MRPS9: variants seen among roughly 807,000 people sequenced by gnomAD.
MRPS9 encodes the protein small ribosomal subunit protein uS9m.
MRPS9 carries 45 observed loss-of-function variants against 59.9 expected under a neutral mutation model. That is an observed-to-expected ratio of 0.75 (90% CI 0.59 to 0.96). The LOEUF is 0.96. MRPS9 is among the 40% of genes least tolerant of loss of function. MRPS9 has a pLI of 0.00. For synonymous variants in MRPS9, 171 were observed against 166.8 expected (o/e 1.03, Z -0.19); for missense variants, 473 against 481.1 (o/e 0.98, Z 0.16).
intron 5 of MRPS9, among the ~76,000 whole-genome samples, chr2:105,082,971 C>G (rs1469853033): frequency 1.3e-5 from 2 of 152,158 alleles, no homozygotes; most frequent in Non-Finnish European, 2.9e-5. Flanking sequence ...TAAGAAACTT[C>G]TTGAGTTTCT....
intron 1 of MRPS9, among the ~76,000 whole-genome samples, chr2:105,045,352 T>C (rs1679573449): frequency 2.7e-5 from 4 of 150,742 alleles, no homozygotes; most frequent in Admixed American, 2.6e-4. Flanking sequence ...TTTTTTTTTT[T>C]TCATATAGCA....
Position 105,071,488 on chromosome 2 carries a change from A to G in MRPS9, c.408A>G (p.Arg136=). ...KHPEQIFPRQ[R]AIQWGEDGRP... ...CTGAACAGATTTTTCCAAGACAAAGAGGTAAGTTTGTTCAAGAATGAGAGA... is the reference window on the plus strand; with the variant it reads ...CTGAACAGATTTTTCCAAGACAAAGGGGTAAGTTTGTTCAAGAATGAGAGA... Residue 136 remains arginine (R), a splice_region_variant and synonymous_variant, in exon 4 of 11, where the codon AGA becomes AGG. Coordinates refer to ENST00000258455, the MANE Select transcript of MRPS9 (RefSeq NM_182640.3). 3 of 1,603,398 alleles carry G rather than the reference A, an allele frequency of 1.9e-6. No individual in the cohort carries two copies. The highest frequency in any genetic ancestry group is 2.6e-6 in the Non-Finnish European group (3 of 1,173,450).
chr2:105,052,434 A>G (rs1679729823), intron 2 of MRPS9, among the ~76,000 whole-genome samples: 1 of 152,076 alleles, frequency 6.6e-6, no homozygotes, highest in South Asian at 2.1e-4. Flanking sequence ...GTATCACACA[A>G]ATTGATTTTT....
intron 2 of MRPS9, among the ~76,000 whole-genome samples, chr2:105,061,936 A>T (rs1469099516): frequency 6.6e-6 from 1 of 152,200 alleles, no homozygotes; most frequent in East Asian, 1.9e-4. Context: ...TATTTGTCAC[A>T]ACTTGATATT....
At position 105,092,512 on chromosome 2, in the gene MRPS9, C is replaced by G. The variant is rs969397120; in HGVS notation, c.763C>G (p.Gln255Glu). 2 of 1,613,910 alleles carry G rather than the reference C, an allele frequency of 1.2e-6. No homozygotes were observed. The highest frequency in any genetic ancestry group is 1.7e-6 in the Non-Finnish European group (2 of 1,179,930). ...RRSVTLESKK[Q>E]LIEPVQYDEQ... is the part of the protein sequence containing the mutation. Reference sequence around the variant, plus strand: ...AAGTGTAACTCTTGAATCAAAAAAACAGCTGATTGAACCTGTACAGTATGA... The same window carrying G: ...AAGTGTAACTCTTGAATCAAAAAAAGAGCTGATTGAACCTGTACAGTATGA... The change falls in exon 8 of 11, where the codon CAG becomes GAG. Residue 255 changes from glutamine (Q) to glutamate (E), a missense_variant. Transcript: ENST00000258455.
chr2:105,082,089 G>A (rs921676966), intron 5 of MRPS9, among the ~76,000 whole-genome samples: 11 of 152,176 alleles, frequency 7.2e-5, no homozygotes, highest in African/African-American at 2.4e-4. Context: ...TGTTCTGCCT[G>A]GCCTTGGTGG....
At chr2:105,081,332 C>T (rs1285205779) in intron 5 of MRPS9, among the ~76,000 whole-genome samples, 6 of 152,192 alleles carry the variant, frequency 3.9e-5, no homozygotes, top group Admixed American at 1.3e-4. Context: ...ATGGGTTGCA[C>T]GCAGCGAAGC....
intron 5 of MRPS9, 56 bp downstream of exon 5, chr2:105,080,118 A>T: frequency 8.1e-7 from 1 of 1,233,766 alleles, no homozygotes; most frequent in Admixed American, 2.0e-5. Flanking sequence ...AAAACTAATT[A>T]TACTGGATAC....
rs77533759 is a variant in MRPS9 at position 105,071,355 on chromosome 2, C to T, written c.358C>T (p.Arg120Ter). 6.2e-6 allele frequency: 10 copies of T among 1,609,730 alleles called. No individual in the cohort carries two copies. In the South Asian group the frequency reaches 6.6e-5, roughly 11 times the overall value. ...TTTCCCAAGTGGTTTGTTTGAGAAA[C>T]GAGCCAGGCCAGTAATGAAGGTAGT... The part of the protein sequence containing the change: ...YLFPSGLFEK[R>*]ARPVMKHPEQ... The change falls in exon 3 of 11, where the codon CGA becomes TGA. Residue 120 changes from arginine (R) to a stop codon, truncating the protein, a stop_gained. Transcript: ENST00000258455. LOFTEE classifies it high-confidence loss of function.
intron 9 of MRPS9, among the ~76,000 whole-genome samples, chr2:105,095,841 C>T (rs1680650324): frequency 6.6e-6 from 1 of 151,204 alleles, no homozygotes; most frequent in African/African-American, 2.4e-5. Context: ...GAGACAAGGT[C>T]TCTTTATGTC....
chr2:105,094,483 C>T (rs991858350), intron 9 of MRPS9, among the ~76,000 whole-genome samples: 3 of 152,176 alleles, frequency 2.0e-5, no homozygotes, highest in African/African-American at 7.2e-5. Context: ...TCTCCTGTTT[C>T]CTGCATGTGT....
intron 5 of MRPS9, among the ~76,000 whole-genome samples, chr2:105,084,920 C>T (rs1028469193): frequency 6.6e-6 from 1 of 152,014 alleles, no homozygotes; most frequent in African/African-American, 2.4e-5. Context: ...ATATTATTGT[C>T]TCTATGTTGG....
At chr2:105,075,490 A>G (rs558424076) in intron 4 of MRPS9, among the ~76,000 whole-genome samples, 2 of 152,370 alleles carry the variant, frequency 1.3e-5, no homozygotes, top group African/African-American at 4.8e-5. Flanking sequence ...AAGCTCTGAC[A>G]TACCTTGAAG....
At chr2:105,060,758 G>T (rs77112796) in intron 2 of MRPS9, among the ~76,000 whole-genome samples, 1 of 152,126 alleles carries the variant, frequency 6.6e-6, no homozygotes, top group Non-Finnish European at 1.5e-5. Context: ...ATTGGCATTT[G>T]AGAGAAATAG....
intron 5 of MRPS9, among the ~76,000 whole-genome samples, chr2:105,087,800 T>TTTCCTTCCTTCCTTCCTTCC (rs59753300): frequency 0.21 from 29,040 of 136,560 alleles, 3,748 homozygotes; most frequent in Non-Finnish European, 0.28. Context: ...TCCTGCCTTT[T>TTTCCTTCCTTCCTTCCTTCC]TTCCTTCCTT....
At chr2:105,060,626 C>A (rs1230920569) in intron 2 of MRPS9, among the ~76,000 whole-genome samples, 1 of 152,132 alleles carries the variant, frequency 6.6e-6, no homozygotes, top group African/African-American at 2.4e-5. Flanking sequence ...GAGATCAGCT[C>A]ATGGAAGACT....
Position 105,065,987 on chromosome 2 carries a change from G to A in MRPS9, c.316-5326G>A, listed in dbSNP as rs557429590. Among the ~76,000 whole-genome samples the A allele has an allele frequency of 5.9e-5, 9 of 152,256 alleles. No individual in the cohort carries two copies. The South Asian group carries it at 1.7e-3, about 28-fold the overall frequency. On this transcript the variant is annotated intron_variant, in intron 2 of 10. Transcript: ENST00000258455. The stretch of plus-strand genomic sequence containing the variant: ...AAAAAGAAAAAAATCTGCATAGAAT[G>A]CCCATAGGAGATAAATGGAAGTAAT...
chr2:105,057,923 T>C lies in MRPS9; in HGVS notation c.315+8573T>C, dbSNP rs35042355. Among the ~76,000 whole-genome samples, 824 of 151,562 alleles carry C rather than the reference T, an allele frequency of 5.4e-3. 3 individuals carry two copies. The highest frequency in any genetic ancestry group is 8.6e-3 in the Non-Finnish European group (584 of 68,028). Reference sequence around the variant, plus strand: ...TTAAAAGTTAAGTTCTACATTACTATAGAATTTCAGGAAAAAAGCCAGCAA... The same window carrying C: ...TTAAAAGTTAAGTTCTACATTACTACAGAATTTCAGGAAAAAAGCCAGCAA... On this transcript the variant is annotated intron_variant, in intron 2 of 10. Coordinates refer to ENST00000258455, the MANE Select transcript of MRPS9 (RefSeq NM_182640.3).
chr2:105,044,856 C>T (rs960204256), intron 1 of MRPS9, among the ~76,000 whole-genome samples: 4 of 152,142 alleles, frequency 2.6e-5, no homozygotes, highest in African/African-American at 4.8e-5. Context: ...AATTATTTTA[C>T]CACAGCTACT....
Sources: allele counts gnomAD v4.1 joint callset (sites outside exome capture counted in the v4.1 genomes callset), GRCh38; gene constraint gnomAD v4.1.1; transcripts MANE v1.5; gene names NCBI Gene and HGNC (gene_info 2026-07-23, HGNC 2026-07-21).